PAX3: variants seen among roughly 807,000 people sequenced by gnomAD.
PAX3 encodes paired box 3, also known as paired box protein Pax-3.
In PAX3, 14 loss-of-function variants were observed where a neutral mutation model predicts 51.6. The ratio of observed to expected loss-of-function variants is 0.27; its 90% CI spans 0.18 to 0.42. The LOEUF (loss-of-function observed/expected upper bound fraction) is 0.42, where lower values mean the gene tolerates loss of function less well. PAX3 is among the 10% of genes least tolerant of loss of function. The pLI is 1.00. For synonymous variants in PAX3, 280 were observed against 253.4 expected (o/e 1.11, Z -1.00); for missense variants, 540 against 642.8 (o/e 0.84, Z 1.73).
At chr2:222,252,168 C>T (rs1693459931) in intron 4 of PAX3, among the ~76,000 whole-genome samples, 1 of 152,178 alleles carries the variant, frequency 6.6e-6, no homozygotes, top group Non-Finnish European at 1.5e-5. Flanking sequence ...CTCATCCATT[C>T]CTATATTTTC....
At chr2:222,291,157 A>T (rs1037959375) in intron 4 of PAX3, among the ~76,000 whole-genome samples, 1 of 152,108 alleles carries the variant, frequency 6.6e-6, no homozygotes, top group South Asian at 2.1e-4. Context: ...CGGGGGAGGA[A>T]CAGAGGCGCC....
At chr2:222,293,134 C>G (rs1390130660) in intron 4 of PAX3, among the ~76,000 whole-genome samples, 1 of 152,146 alleles carries the variant, frequency 6.6e-6, no homozygotes, top group African/African-American at 2.4e-5. Context: ...CCTCTGGCAA[C>G]TCCAAAACTA....
At chr2:222,252,396 A>AC (rs1223289474) in intron 4 of PAX3, among the ~76,000 whole-genome samples, 33 of 152,256 alleles carry the variant, frequency 2.2e-4, no homozygotes, top group African/African-American at 7.7e-4. Flanking sequence ...TTATTATTAT[A>AC]CCCCATTTTA....
chr2:222,202,247 C>T, intron 7 of PAX3, 57 bp from the exon 8 acceptor site: 1 of 1,260,056 alleles, frequency 7.9e-7, no homozygotes, highest in South Asian at 1.3e-5. Context: ...CAGATTGCAG[C>T]CTACAGCTGA....
chr2:222,266,557 AG>A (rs1244091399), intron 4 of PAX3, among the ~76,000 whole-genome samples: 1 of 152,196 alleles, frequency 6.6e-6, no homozygotes, highest in Non-Finnish European at 1.5e-5. Context: ...TTAAAATTGC[AG>A]GTTCTAGATT....
intron 4 of PAX3, among the ~76,000 whole-genome samples, chr2:222,237,981 T>C (rs1327266915): frequency 1.3e-5 from 2 of 152,224 alleles, no homozygotes; most frequent in Non-Finnish European, 2.9e-5. Flanking sequence ...GTATTTCAAC[T>C]CTGTGCTTTA....
intron 4 of PAX3, among the ~76,000 whole-genome samples, chr2:222,254,300 A>G (rs934653089): frequency 2.6e-5 from 4 of 152,268 alleles, no homozygotes; most frequent in Admixed American, 1.3e-4. Flanking sequence ...GTGTTTTTTC[A>G]TCTTACGTTT....
chr2:222,262,899 A>G (rs1452270963), intron 4 of PAX3: 1 of 152,210 alleles, frequency 6.6e-6, no homozygotes, highest in East Asian at 1.9e-4. Context: ...TTCAACCAAC[A>G]GTGTTGAAAC....
intron 5 of PAX3, 144 bp from the exon 6 acceptor site, chr2:222,221,531 G>C: frequency 1.3e-6 from 1 of 789,616 alleles, no homozygotes; most frequent in Non-Finnish European, 2.1e-6. Context: ...GTGTTGTTTG[G>C]GCGAATTGTC....
intron 4 of PAX3, among the ~76,000 whole-genome samples, chr2:222,253,245 A>G (rs1002847022): frequency 2.6e-5 from 4 of 152,256 alleles, no homozygotes; most frequent in African/African-American, 9.6e-5. Flanking sequence ...CTAACACTCC[A>G]CAGGTAGCTC....
chr2:222,223,668 A>T (rs527414898), intron 5 of PAX3, among the ~76,000 whole-genome samples: 2 of 152,210 alleles, frequency 1.3e-5, no homozygotes, highest in Non-Finnish European at 2.9e-5. Context: ...CAGATCAGGT[A>T]GTCCTCTGCA....
At chr2:222,238,309 C>A (rs1692876839) in intron 4 of PAX3, among the ~76,000 whole-genome samples, 1 of 152,168 alleles carries the variant, frequency 6.6e-6, no homozygotes, top group South Asian at 2.1e-4. Context: ...TCTGTAGCCT[C>A]GGGAAATATT....
At chr2:222,266,881 T>C (rs1476178398) in intron 4 of PAX3, among the ~76,000 whole-genome samples, 6 of 152,222 alleles carry the variant, frequency 3.9e-5, no homozygotes, top group Admixed American at 2.6e-4. Flanking sequence ...AATCAGTTTG[T>C]TGCATTTGCA....
intron 4 of PAX3, among the ~76,000 whole-genome samples, chr2:222,252,975 C>T (rs967970522): frequency 2.6e-5 from 4 of 152,158 alleles, no homozygotes; most frequent in African/African-American, 9.7e-5. Flanking sequence ...CAACTACTCT[C>T]CCAGAAATGC....
intron 4 of PAX3, among the ~76,000 whole-genome samples, chr2:222,266,066 T>C (rs1377051292): frequency 1.3e-5 from 2 of 152,176 alleles, no homozygotes; most frequent in African/African-American, 4.8e-5. Context: ...GAAAAGAATA[T>C]AGATTTACAA....
Position 222,298,603 on chromosome 2 carries a change from C to T in PAX3, c.13G>A (p.Ala5Thr). 1 of 1,606,354 alleles carries T rather than the reference C, an allele frequency of 6.2e-7. No homozygotes were observed. Among genetic ancestry groups the T allele is most frequent in the African/African-American group, 1.3e-5 (1 of 74,952 alleles). MTTL[A>T]GAVPRMMRPG... ...CGCATCATCCTGGGCACAGCGCCGG[C>T]CAGCGTGGTCATCCTGGGGGCAGCT... The change falls in exon 1 of 9, where the codon GCC becomes ACC. Residue 5 changes from alanine to threonine, a missense_variant. Ala to Thr is a moderately conservative substitution (Grantham distance 58). Around this residue, in one of 3 missense-constraint regions of PAX3, gnomAD observed 63 missense variants for 49.9 expected, o/e 1.26. Transcript: ENST00000392070.
intron 4 of PAX3, among the ~76,000 whole-genome samples, chr2:222,282,491 G>A (rs572225460): frequency 1.6e-4 from 25 of 152,196 alleles, no homozygotes; most frequent in African/African-American, 5.8e-4. Flanking sequence ...GAAACCCCTA[G>A]AGCATCCGGC....
chr2:222,237,960 C>T (rs1478580946), intron 4 of PAX3, among the ~76,000 whole-genome samples: 1 of 152,176 alleles, frequency 6.6e-6, no homozygotes, highest in Non-Finnish European at 1.5e-5. Flanking sequence ...AAAGCATCAC[C>T]TCTCACCGAA....
At chr2:222,210,948 C>T (rs1691701206) in intron 7 of PAX3, among the ~76,000 whole-genome samples, 1 of 152,116 alleles carries the variant, frequency 6.6e-6, no homozygotes, top group Admixed American at 6.6e-5. Flanking sequence ...CTCACTGCAA[C>T]CTCACCCTCC....
Sources: allele counts gnomAD v4.1 joint callset (sites outside exome capture counted in the v4.1 genomes callset), GRCh38; gene constraint gnomAD v4.1.1; regional missense constraint gnomAD v4.1.1; transcripts MANE v1.5; gene names NCBI Gene and HGNC (gene_info 2026-07-23, HGNC 2026-07-21).